TFCP2: variants seen among roughly 807,000 people sequenced by gnomAD.
The protein encoded by TFCP2 is alpha-globin transcription factor CP2.
A neutral mutation model predicts 73.4 loss-of-function variants in TFCP2; 33 were observed. The observed-to-expected ratio is 0.45, with a 90% CI of 0.34 to 0.60. The LOEUF (loss-of-function observed/expected upper bound fraction) is 0.60. Ranked by LOEUF, TFCP2 falls within the 20% of genes least tolerant of loss-of-function variation. The pLI, the probability that TFCP2 is intolerant of heterozygous loss-of-function variation, is 0.01. For synonymous variants in TFCP2, 193 were observed against 211.6 expected (o/e 0.91, Z 0.76); for missense variants, 352 against 604.0 (o/e 0.58, Z 4.37).
At chr12:51,113,112 T>C (rs1351121068) in intron 4 of TFCP2, among the ~76,000 whole-genome samples, 3 of 152,148 alleles carry the variant, frequency 2.0e-5, no homozygotes, top group Non-Finnish European at 2.9e-5. Flanking sequence ...ATACTACTGT[T>C]TTGGTATCAA....
At chr12:51,148,283 G>A (rs1941341556) in intron 1 of TFCP2, among the ~76,000 whole-genome samples, 1 of 152,088 alleles carries the variant, frequency 6.6e-6, no homozygotes, top group Admixed American at 6.6e-5. Context: ...CCCACTGCTG[G>A]GTATCTACCC....
intron 1 of TFCP2, among the ~76,000 whole-genome samples, chr12:51,136,572 T>C (rs943294738): frequency 6.6e-6 from 1 of 152,160 alleles, no homozygotes; most frequent in Non-Finnish European, 1.5e-5. Context: ...GCAACTGCCC[T>C]GAGTAGCTTA....
intron 1 of TFCP2, among the ~76,000 whole-genome samples, chr12:51,140,870 G>A (rs1985007): frequency 0.019 from 2,960 of 151,966 alleles, 79 homozygotes; most frequent in African/African-American, 0.066. Flanking sequence ...AGCCTGGCTA[G>A]CATGGTGAAA....
chr12:51,100,296 T>C (rs1000210157), intron 11 of TFCP2, among the ~76,000 whole-genome samples: 4 of 152,228 alleles, frequency 2.6e-5, no homozygotes, highest in Non-Finnish European at 5.9e-5. Flanking sequence ...CTTATTTCTC[T>C]CATTACCTTC....
In TFCP2 at chr12:51,106,790, T is replaced by C. The variant is rs574582465; in HGVS notation, c.829-177A>G. On this transcript the variant is annotated intron_variant, in intron 7 of 14. Coordinates refer to ENST00000257915, the MANE Select transcript of TFCP2 (RefSeq NM_005653.5). The stretch of plus-strand genomic sequence containing the variant: ...CCATCTTGGAGCCTGTGGGGAGGCC[T>C]GCTGAGAATAGGACTTCTAAAAAGA... The C allele has an allele frequency of 3.1e-4, 183 of 592,676 alleles. No individual in the cohort carries two copies. The East Asian group carries it at 5.2e-3, about 17-fold the overall frequency. 36.7% of individuals were successfully genotyped at this position (592,676 alleles called of 1,614,324 possible). A position where few individuals can be genotyped will look rare whatever the true frequency, so the allele number is the denominator to read the frequency against.
Position 51,132,953 on chromosome 12 carries a change from C to T in TFCP2, c.123-14181G>A, listed in dbSNP as rs537042259. ...TGATACCACATGAAGAAGAACTGCA[C>T]GGTCAATCCACAGATTCATGAGATG... On this transcript the variant is annotated intron_variant, in intron 1 of 14. Transcript: ENST00000257915. 3.9e-5 allele frequency among the ~76,000 whole-genome samples: 6 copies of T among 152,222 alleles called. No individual in the cohort carries two copies. In the East Asian group the frequency reaches 7.7e-4, roughly 20 times the overall value.
intron 1 of TFCP2, among the ~76,000 whole-genome samples, chr12:51,140,445 C>CTTTTTTTTTTTTTTT (rs768526922): frequency 1.3e-3 from 112 of 88,016 alleles, no homozygotes; most frequent in South Asian, 1.9e-3. Context: ...TTTTCTTTTT[C>CTTTTTTTTTTTTTTT]TTTTTTTTTT....
chr12:51,105,756 T>C (rs536844077), intron 8 of TFCP2, among the ~76,000 whole-genome samples: 1 of 152,356 alleles, frequency 6.6e-6, no homozygotes, highest in Admixed American at 6.5e-5. Context: ...ATATTTAAGC[T>C]ACCTTAATTA....
In TFCP2 at chr12:51,099,647, C is replaced by A. The variant is rs369455118; in HGVS notation, c.1276+8G>T. 64 of 1,614,036 alleles carry A rather than the reference C, an allele frequency of 4.0e-5. No individual in the cohort carries two copies. The highest frequency in any genetic ancestry group is 5.3e-5 in the Non-Finnish European group (63 of 1,180,026). On this transcript the variant is annotated splice_region_variant and intron_variant, in intron 12 of 14. Coordinates refer to ENST00000257915, the MANE Select transcript of TFCP2 (RefSeq NM_005653.5). ...CATATCTGTCCTAGTGTGTCCAGAA[C>A]AACCTACCGAAGAAAGTACCATTTG... is the stretch of plus-strand genomic sequence containing the variant.
chr12:51,134,739 AT>A (rs539493805), intron 1 of TFCP2, among the ~76,000 whole-genome samples: 1 of 152,258 alleles, frequency 6.6e-6, no homozygotes, highest in African/African-American at 2.4e-5. Context: ...AACAAACATA[AT>A]AAAAGACAAG....
chr12:51,098,758 C>T lies in TFCP2; in HGVS notation c.1419+18G>A, dbSNP rs759066371. ...AATTAATCATCATCTGGTAATTCAA[C>T]TGTACTGAAAAATCTACCTCATCAC... On this transcript the variant is annotated intron_variant, in intron 13 of 14. Transcript: ENST00000257915. 6.2e-7 allele frequency: 1 copy of T among 1,613,824 alleles called. No individual in the cohort carries two copies. Among genetic ancestry groups the T allele is most frequent in the Admixed American group, 1.7e-5 (1 of 59,978 alleles).
At chr12:51,161,018 GT>G (rs1448415460) in intron 1 of TFCP2, among the ~76,000 whole-genome samples, 2 of 152,128 alleles carry the variant, frequency 1.3e-5, no homozygotes, top group East Asian at 3.9e-4. Flanking sequence ...CCCGACTGAA[GT>G]TGCCTACCTA....
At chr12:51,164,388 G>A (rs1370359797) in intron 1 of TFCP2, among the ~76,000 whole-genome samples, 1 of 152,108 alleles carries the variant, frequency 6.6e-6, no homozygotes, top group African/African-American at 2.4e-5. Context: ...CACAAGGTCA[G>A]GAGTTCAAGA....
At chr12:51,120,990 A>C (rs1211384916) in intron 1 of TFCP2, among the ~76,000 whole-genome samples, 2 of 151,594 alleles carry the variant, frequency 1.3e-5, no homozygotes, top group Non-Finnish European at 2.9e-5. Context: ...TCATCATATT[A>C]TTCTGTTTAC....
At chr12:51,153,901 G>A (rs1442873333) in intron 1 of TFCP2, among the ~76,000 whole-genome samples, 9 of 152,182 alleles carry the variant, frequency 5.9e-5, no homozygotes, top group Admixed American at 5.9e-4. Context: ...ACTCAGAAGT[G>A]AAACAGTTGT....
rs1939918364 is a variant in TFCP2 at position 51,094,912 on chromosome 12, G to A, written c.*329C>T. 2.1e-5 allele frequency: 6 copies of A among 284,352 alleles called. No homozygotes were observed. The highest frequency in any genetic ancestry group is 6.0e-5 in the East Asian group (1 of 16,646). 17.6% of individuals were successfully genotyped at this position (284,352 alleles called of 1,614,324 possible). On this transcript the variant is annotated 3_prime_UTR_variant, in exon 15 of 15. Coordinates refer to ENST00000257915, the MANE Select transcript of TFCP2 (RefSeq NM_005653.5). ...ATATCACAAAATTTAAGATCTTCCTGTTAAACATCACACAATTCCCATCAT... is the reference window on the plus strand; with the variant it reads ...ATATCACAAAATTTAAGATCTTCCTATTAAACATCACACAATTCCCATCAT...
At position 51,106,570 on chromosome 12, in the gene TFCP2, G is replaced by A; in HGVS notation, c.872C>T (p.Ser291Leu). 2 of 1,613,556 alleles carry A rather than the reference G, an allele frequency of 1.2e-6. No individual in the cohort carries two copies. The highest frequency in any genetic ancestry group is 1.7e-6 in the Non-Finnish European group (2 of 1,179,782). Reference protein sequence around the residue: ...PEITYVNNSPSPGFNSSHSSF... With the variant: ...PEITYVNNSPLPGFNSSHSSF... ...GCTATGGGAACTGTTGAAGCCAGGT[G>A]ATGGGGAGTTATTGACATACGTGAT... Residue 291 changes from serine (S) to leucine (L), a missense_variant, in exon 8 of 15, where the codon TCA becomes TTA. Ser to Leu is a moderately radical substitution (Grantham distance 145, BLOSUM62 -2). This residue lies in a region of TFCP2 where 194 missense variants were observed against 256.3 expected (regional missense o/e 0.76). Coordinates refer to ENST00000257915, the MANE Select transcript of TFCP2 (RefSeq NM_005653.5).
rs925589428 is a variant in TFCP2, at chr12:51,172,675, T to G, written c.-253A>C. The G allele has an allele frequency of 4.0e-5, 17 of 424,278 alleles. No homozygotes were observed. The highest frequency in any genetic ancestry group is 3.2e-4 in the African/African-American group (16 of 49,766). The allele number at this position is 424,278 out of a possible 1,614,324, so 26.3% of individuals were successfully genotyped here. A position where few individuals can be genotyped will look rare whatever the true frequency, so the allele number is the denominator to read the frequency against. ...CAGCTCTCAGGAACGTGAGGACCCCTTTGCTCAACTACTGCAGACTTCCCA... is the reference window on the plus strand; with the variant it reads ...CAGCTCTCAGGAACGTGAGGACCCCGTTGCTCAACTACTGCAGACTTCCCA... On this transcript the variant is annotated 5_prime_UTR_variant, in exon 1 of 15. Coordinates refer to ENST00000257915, the MANE Select transcript of TFCP2 (RefSeq NM_005653.5).
intron 10 of TFCP2, 114 bp downstream of exon 10, chr12:51,103,556 A>C (rs1359121645): frequency 7.6e-6 from 5 of 659,488 alleles, no homozygotes; most frequent in Non-Finnish European, 1.0e-5. Context: ...AGAAAAATGC[A>C]GTAAGATCTC....
Sources: allele counts gnomAD v4.1 joint callset (sites outside exome capture counted in the v4.1 genomes callset), GRCh38; gene constraint gnomAD v4.1.1; regional missense constraint gnomAD v4.1.1; transcripts MANE v1.5; gene names NCBI Gene and HGNC (gene_info 2026-07-23, HGNC 2026-07-21).